Variants in RIC1 observed in about 807,000 individuals in gnomAD.
RIC1 encodes guanine nucleotide exchange factor subunit RIC1.
RIC1 carries 88 observed loss-of-function variants against 169.0 expected under a neutral mutation model. The observed-to-expected ratio is 0.52, with a 90% CI of 0.44 to 0.62. The LOEUF (loss-of-function observed/expected upper bound fraction) is 0.62. Ranked by LOEUF, RIC1 falls within the 20% of genes least tolerant of loss-of-function variation. RIC1 has a pLI of 0.00. For synonymous variants in RIC1, 790 were observed against 601.5 expected, an observed-to-expected ratio of 1.31 and a Z score of -4.59; for missense variants, 1,877 against 1,725.5, an observed-to-expected ratio of 1.09 and a Z score of -1.56.
At chr9:5,660,067 C>G (rs1054458072) in intron 2 of RIC1, among the ~76,000 whole-genome samples, 1 of 152,184 alleles carries the variant, frequency 6.6e-6, no homozygotes, top group Non-Finnish European at 1.5e-5. Flanking sequence ...CATATGTTCT[C>G]ATCATTCAGC....
At chr9:5,754,753 T>A in intron 14 of RIC1, 88 bp from the exon 15 acceptor site, 1 of 769,202 alleles carries the variant, frequency 1.3e-6, no homozygotes. Context: ...ATTTGAGCTT[T>A]GTCTGGGTAA....
chr9:5,674,901 G>C (rs926555482), intron 2 of RIC1, among the ~76,000 whole-genome samples: 1 of 152,174 alleles, frequency 6.6e-6, no homozygotes, highest in African/African-American at 2.4e-5. Context: ...CTTCTAAATT[G>C]ATTGAGACCT....
Position 5,769,027 on chromosome 9 carries a change from A to G in RIC1, c.3195A>G (p.Arg1065=), listed in dbSNP as rs1827004650. Reference sequence around the variant, plus strand: ...TGTATATTGACATGATGCTCTGGAGACATGCTCGGCGCCTCTTAGAAGATG... The same window carrying G: ...TGTATATTGACATGATGCTCTGGAGGCATGCTCGGCGCCTCTTAGAAGATG... ...ENMYIDMMLW[R]HARRLLEDVR... Residue 1065 remains arginine (R), a synonymous_variant, in exon 22 of 26, where the codon AGA becomes AGG. Coordinates refer to ENST00000414202, the MANE Select transcript of RIC1 (RefSeq NM_020829.4). 1 of 1,613,882 alleles carries G rather than the reference A, an allele frequency of 6.2e-7. No homozygotes were observed. The highest frequency in any genetic ancestry group is 1.3e-5 in the African/African-American group (1 of 74,900).
chr9:5,666,858 C>T (rs1236057920), intron 2 of RIC1, among the ~76,000 whole-genome samples: 1 of 152,142 alleles, frequency 6.6e-6, no homozygotes, highest in Non-Finnish European at 1.5e-5. Flanking sequence ...AGAACTTTGT[C>T]AGTTTCATCT....
At chr9:5,714,519 C>G (rs997818786) in intron 4 of RIC1, among the ~76,000 whole-genome samples, 1 of 152,088 alleles carries the variant, frequency 6.6e-6, no homozygotes, top group Non-Finnish European at 1.5e-5. Flanking sequence ...GGCTTTATTT[C>G]TTTAATTGTT....
rs753125878 is a variant in RIC1, at chr9:5,763,368, G to A, written c.2341G>A (p.Val781Ile). ...CCACATCAACATTTACCCGCTAGCT[G>A]TTCTGTTTGAAGATGCTTTAGTCCT... ...PFHINIYPLA[V>I]LFEDALVLGA... Residue 781 changes from valine (V) to isoleucine (I), a missense_variant, in exon 19 of 26, where the codon GTT (valine) becomes ATT (isoleucine). Physicochemically the swap from Val to Ile is conservative, Grantham distance 29. Transcript: ENST00000414202. The surrounding 1 kb of genome is among the most constrained non-coding windows in gnomAD (Gnocchi z 5.2). The A allele has an allele frequency of 4.3e-6, 7 of 1,614,120 alleles. No individual in the cohort carries two copies. Among genetic ancestry groups the A allele is most frequent in the Non-Finnish European group, 5.1e-6 (6 of 1,180,014 alleles).
intron 3 of RIC1, among the ~76,000 whole-genome samples, chr9:5,695,316 A>T (rs920249362): frequency 6.6e-6 from 1 of 152,230 alleles, no homozygotes; most frequent in Non-Finnish European, 1.5e-5. Flanking sequence ...TTAGCTGTAA[A>T]AATGAAAATA....
intron 3 of RIC1, among the ~76,000 whole-genome samples, chr9:5,697,014 G>T (rs1821942911): frequency 6.6e-6 from 1 of 152,182 alleles, no homozygotes; most frequent in Non-Finnish European, 1.5e-5. Context: ...GAACCGAAAT[G>T]TCTCCCAGTC....
chr9:5,772,021 T>A (rs1303845195), intron 23 of RIC1, among the ~76,000 whole-genome samples: 1 of 152,230 alleles, frequency 6.6e-6, no homozygotes. Flanking sequence ...CAAATATCCA[T>A]TAAGTATTCA....
chr9:5,769,545 T>A (rs527358439), intron 22 of RIC1: 2 of 1,053,776 alleles, frequency 1.9e-6, no homozygotes, highest in Non-Finnish European at 2.6e-6. Flanking sequence ...GCTACCATGC[T>A]TATGTTATTG....
chr9:5,670,866 A>G (rs1820048728), intron 2 of RIC1, among the ~76,000 whole-genome samples: 1 of 152,120 alleles, frequency 6.6e-6, no homozygotes, highest in African/African-American at 2.4e-5. Flanking sequence ...GGGGCAGGGA[A>G]TGGGTGCTGC....
intron 7 of RIC1, among the ~76,000 whole-genome samples, chr9:5,735,834 A>G (rs1011540764): frequency 6.6e-6 from 1 of 152,196 alleles, no homozygotes. Context: ...GTGATGATAT[A>G]TATTTCCTAT....
intron 6 of RIC1, among the ~76,000 whole-genome samples, chr9:5,725,386 G>C (rs994124521): frequency 1.3e-5 from 2 of 152,158 alleles, no homozygotes; most frequent in Non-Finnish European, 2.9e-5. Context: ...TTGTATTTCT[G>C]TGGGATCGGT....
Position 5,765,767 on chromosome 9 carries a change from C to G in RIC1, c.3106C>G (p.Leu1036Val). 2 of 1,614,146 alleles carry G rather than the reference C, an allele frequency of 1.2e-6. No individual in the cohort carries two copies. The highest frequency in any genetic ancestry group is 1.7e-6 in the Non-Finnish European group (2 of 1,179,988). Reference sequence around the variant, plus strand: ...CAGTAAATTCAGTTTACAGAAAACACTAAGTATGCCATCTGGTCCCTCTGG... The same window carrying G: ...CAGTAAATTCAGTTTACAGAAAACAGTAAGTATGCCATCTGGTCCCTCTGG... ...PASKFSLQKT[L>V]SMPSGPSGKR... Residue 1036 changes from leucine (L) to valine (V), a missense_variant, in exon 21 of 26, where the codon CTA (leucine) becomes GTA (valine). Physicochemically the swap from Leu to Val is conservative, Grantham distance 32 (BLOSUM62 1). Coordinates refer to ENST00000414202, the MANE Select transcript of RIC1 (RefSeq NM_020829.4).
At chr9:5,729,180 A>C (rs1345135878) in intron 6 of RIC1, among the ~76,000 whole-genome samples, 1 of 152,158 alleles carries the variant, frequency 6.6e-6, no homozygotes, top group African/African-American at 2.4e-5. Context: ...TTTATTTTCT[A>C]TCCCTGTTTT....
chr9:5,756,272 C>G lies in RIC1; in HGVS notation c.1753C>G (p.Gln585Glu), dbSNP rs1332563765. 6.2e-7 allele frequency: 1 copy of G among 1,604,470 alleles called. No homozygotes were observed. The highest frequency in any genetic ancestry group is 1.7e-5 in the Admixed American group (1 of 59,598). The change falls in exon 16 of 26, where the codon CAA (glutamine) becomes GAA (glutamate). Residue 585 changes from glutamine to glutamate, a missense_variant. Gln to Glu is a conservative substitution (Grantham distance 29, BLOSUM62 2). This residue lies in a region of RIC1 where 1,104 missense variants were observed against 992.0 expected (regional missense o/e 1.11). Coordinates refer to ENST00000414202, the MANE Select transcript of RIC1 (RefSeq NM_020829.4). ...TGCCTTTGCTCATGTCACCAAAGCA[C>G]AAGCAGAAACATTACTGCTTAGTGT... The part of the protein sequence containing the change: ...DNAFAHVTKA[Q>E]AETLLLSVFQ...
intron 2 of RIC1, among the ~76,000 whole-genome samples, chr9:5,684,132 A>C (rs1821047728): frequency 6.6e-6 from 1 of 152,202 alleles, no homozygotes; most frequent in Non-Finnish European, 1.5e-5. Flanking sequence ...GCTCACGCAC[A>C]GTGCGCTGCA....
chr9:5,690,474 C>T (rs1821528920), intron 3 of RIC1, among the ~76,000 whole-genome samples: 1 of 151,822 alleles, frequency 6.6e-6, no homozygotes, highest in African/African-American at 2.4e-5. Flanking sequence ...TTGCCCTTTA[C>T]ACTGTGTAGT....
At chr9:5,653,363 C>T (rs1818912648) in intron 1 of RIC1, among the ~76,000 whole-genome samples, 2 of 152,148 alleles carry the variant, frequency 1.3e-5, no homozygotes, top group African/African-American at 4.8e-5. Context: ...TCAGGTAATG[C>T]CGGTCTTCCA....
Sources: gnomAD v4.1 joint callset for allele counts (sites outside exome capture counted in the v4.1 genomes callset) on GRCh38, gnomAD v4.1.1 for gene constraint, gnomAD v4.1.1 regional missense constraint, Gnocchi (gnomAD v3.1) non-coding constraint, MANE v1.5 for transcripts, NCBI Gene and HGNC (gene_info 2026-07-23, HGNC 2026-07-21) for gene names.